MBTD1: variants seen among roughly 807,000 people sequenced by gnomAD.
The protein encoded by MBTD1 is MBT domain-containing protein 1.
In MBTD1, 24 loss-of-function variants were observed where a neutral mutation model predicts 87.8. That is an observed-to-expected ratio of 0.27 (90% CI 0.20 to 0.38). The LOEUF (loss-of-function observed/expected upper bound fraction) is 0.38, where lower values mean the gene tolerates loss of function less well. MBTD1 is among the 10% of genes least tolerant of loss of function. The pLI is 1.00. For synonymous variants in MBTD1, 237 were observed against 248.6 expected, an observed-to-expected ratio of 0.95 and a Z score of 0.44; for missense variants, 436 against 760.2, an observed-to-expected ratio of 0.57 and a Z score of 5.02.
intron 6 of MBTD1, among the ~76,000 whole-genome samples, chr17:51,210,180 T>C (rs1260796879): frequency 2.0e-5 from 3 of 151,994 alleles, no homozygotes; most frequent in Non-Finnish European, 4.4e-5. Flanking sequence ...TTTTGTATTT[T>C]TAGTTTTGCC....
chr17:51,203,165 GT>G lies in MBTD1; in HGVS notation c.802del (p.Thr268HisfsTer22). The G allele has an allele frequency of 6.3e-7, 1 of 1,594,094 alleles. No individual in the cohort carries two copies. The highest frequency in any genetic ancestry group is 8.5e-7 in the Non-Finnish European group (1 of 1,175,106). On this transcript the variant is annotated frameshift_variant, in exon 9 of 17. Coordinates refer to ENST00000586178, the MANE Select transcript of MBTD1 (RefSeq NM_017643.3). LOFTEE classifies it high-confidence loss of function. ...CTTTTGGGAGAAATCAGGAGGCAGT[GT>G]TTTGGCACCAGTAAGTCGTTTCACT... Reference protein sequence around the residue: ...FLVKRLTGAKTLPPDFSQKVS... With the variant: ...FLVKRLTGAKXLPPDFSQKVS...
intron 16 of MBTD1, among the ~76,000 whole-genome samples, chr17:51,189,121 A>G (rs2050684234): frequency 6.6e-6 from 1 of 151,868 alleles, no homozygotes; most frequent in African/African-American, 2.4e-5. Context: ...GACACTACTT[A>G]TAATTTTTAT....
intron 2 of MBTD1, among the ~76,000 whole-genome samples, chr17:51,243,810 C>T (rs570006729): frequency 6.6e-6 from 1 of 152,090 alleles, no homozygotes; most frequent in Non-Finnish European, 1.5e-5. Context: ...TACAGGTGTA[C>T]ACTGACGTGT....
At chr17:51,182,771 A>C (rs149235227) in intron 16 of MBTD1, among the ~76,000 whole-genome samples, 2 of 152,328 alleles carry the variant, frequency 1.3e-5, no homozygotes, top group East Asian at 1.9e-4. Flanking sequence ...TATGGGGTGT[A>C]AATTGGAAAC....
Position 51,179,483 on chromosome 17 carries a change from TTTATATATATATATATATATATA to T in MBTD1, c.*1070_*1092del, listed in dbSNP as rs1234476826. The T allele has an allele frequency of 2.9e-3, 108 of 37,052 alleles. 9 individuals are homozygous for T. The highest frequency in any genetic ancestry group is 0.014 in the Middle Eastern group (1 of 70). 2.3% of individuals were successfully genotyped at this position (37,052 alleles called of 1,614,324 possible). ...AATCCTGAATACAATTAAAGACAATTTTATATATATATATATATATATATATATATATATATATATATATATAT... is the reference window on the plus strand; with the variant it reads ...AATCCTGAATACAATTAAAGACAATTTATATATATATATATATATATATAT... On this transcript the variant is annotated 3_prime_UTR_variant, in exon 17 of 17. Coordinates refer to ENST00000586178, the MANE Select transcript of MBTD1 (RefSeq NM_017643.3).
intron 2 of MBTD1, among the ~76,000 whole-genome samples, chr17:51,234,400 CAAAAA>C (rs71149356): frequency 5.8e-5 from 4 of 68,672 alleles, no homozygotes; most frequent in African/African-American, 1.7e-4. Context: ...TCCCCGTCTC[CAAAAA>C]AAAAAAAAAA....
intron 6 of MBTD1, among the ~76,000 whole-genome samples, chr17:51,216,314 A>C (rs1284365211): frequency 6.6e-6 from 1 of 152,244 alleles, no homozygotes; most frequent in Non-Finnish European, 1.5e-5. Context: ...AAACATGTAT[A>C]GCAGCAGAAA....
At chr17:51,238,919 G>T (rs1164554775) in intron 2 of MBTD1, among the ~76,000 whole-genome samples, 1 of 152,088 alleles carries the variant, frequency 6.6e-6, no homozygotes, top group Non-Finnish European at 1.5e-5. Context: ...GGCTAACATG[G>T]TAAAACCCTG....
chr17:51,195,432 C>T, intron 12 of MBTD1, 71 bp from the exon 13 acceptor site: 2 of 1,291,468 alleles, frequency 1.5e-6, no homozygotes, highest in Non-Finnish European at 2.1e-6. Flanking sequence ...CTTTGACATT[C>T]TAAAAGAAAG....
chr17:51,211,645 G>A (rs1187959569), intron 6 of MBTD1, among the ~76,000 whole-genome samples: 3 of 151,954 alleles, frequency 2.0e-5, no homozygotes, highest in African/African-American at 7.3e-5. Context: ...ACTAATTTAA[G>A]TTTTATTTCC....
intron 16 of MBTD1, among the ~76,000 whole-genome samples, chr17:51,181,666 C>T (rs1286900486): frequency 6.6e-6 from 1 of 152,066 alleles, no homozygotes; most frequent in African/African-American, 2.4e-5. Context: ...ACCTCTCCTC[C>T]TACCAAGAAA....
intron 16 of MBTD1, 38 bp from the exon 17 acceptor site, chr17:51,180,732 T>G (rs1426096392): frequency 9.3e-7 from 1 of 1,078,424 alleles, no homozygotes; most frequent in Admixed American, 2.0e-5. Flanking sequence ...GCATTAAGGC[T>G]CTCTAGAGTA....
intron 6 of MBTD1, among the ~76,000 whole-genome samples, chr17:51,207,657 G>A (rs921816698): frequency 4.6e-5 from 7 of 152,178 alleles, no homozygotes; most frequent in South Asian, 2.1e-4. Context: ...TGTTAGAACC[G>A]GTAATCACTA....
rs1455088541 is a variant in MBTD1 at position 51,220,313 on chromosome 17, A to G, written c.288+17T>C. The G allele has an allele frequency of 9.8e-6, 15 of 1,536,346 alleles. No individual in the cohort carries two copies. The highest frequency in any genetic ancestry group is 2.5e-5 in the East Asian group (1 of 40,768). On this transcript the variant is annotated intron_variant, in intron 4 of 16. Transcript: ENST00000586178. ...TAGAAATAATGGATATAAGTAAGAA[A>G]GTTTCTGTACCGTTACCTGAAGTCT...
At chr17:51,217,563 C>T in intron 5 of MBTD1, 147 bp from the exon 6 acceptor site, 1 of 521,442 alleles carries the variant, frequency 1.9e-6, no homozygotes, top group Non-Finnish European at 3.3e-6. Flanking sequence ...AATAACTTCT[C>T]TAAATAGCAT....
intron 6 of MBTD1, among the ~76,000 whole-genome samples, chr17:51,216,088 C>A (rs1259019695): frequency 2.6e-5 from 4 of 152,020 alleles, no homozygotes; most frequent in African/African-American, 9.6e-5. Flanking sequence ...CCCACCATCA[C>A]CCCTGGCTAA....
Position 51,221,493 on chromosome 17 carries a change from T to C in MBTD1, c.155-1030A>G, listed in dbSNP as rs142585973. On this transcript the variant is annotated intron_variant, in intron 3 of 16. Transcript: ENST00000586178. ...TAAAAAAGATAAACAAAAAGTAACA[T>C]AGCAAATAACTGCCTTAGTGAGTTA... Among the ~76,000 whole-genome samples, 367 of 152,280 alleles carry C rather than the reference T, an allele frequency of 2.4e-3. 1 individual carries two copies. The highest frequency in any genetic ancestry group is 8.1e-3 in the African/African-American group (336 of 41,558).
chr17:51,205,958 T>A (rs191935824), intron 7 of MBTD1, among the ~76,000 whole-genome samples: 85 of 152,282 alleles, frequency 5.6e-4, no homozygotes, highest in Admixed American at 5.5e-3. Context: ...AGATAACTTT[T>A]CTTATGAGTG....
chr17:51,247,237 G>T (rs932085153), intron 2 of MBTD1, among the ~76,000 whole-genome samples: 3 of 152,060 alleles, frequency 2.0e-5, no homozygotes, highest in Non-Finnish European at 2.9e-5. Context: ...TCTTCTGACC[G>T]ATTAGTATGG....
Sources: gnomAD v4.1 joint callset for allele counts (sites outside exome capture counted in the v4.1 genomes callset) on GRCh38, gnomAD v4.1.1 for gene constraint, MANE v1.5 for transcripts, NCBI Gene and HGNC (gene_info 2026-07-23, HGNC 2026-07-21) for gene names.